Variants in ZFC3H1 observed in about 807,000 individuals in gnomAD.
ZFC3H1 encodes zinc finger C3H1-type containing.
A neutral mutation model predicts 243.7 loss-of-function variants in ZFC3H1; 71 were observed. The ratio of observed to expected loss-of-function variants is 0.29; its 90% confidence interval spans 0.24 to 0.36. The LOEUF is 0.36. Among genes scored for constraint, ZFC3H1 ranks in the 10% least tolerant of loss-of-function variants. ZFC3H1 has a pLI of 1.00. For missense variants in ZFC3H1, 1,966 were observed against 2,317.1 expected, an observed-to-expected ratio of 0.85 and a Z score of 3.11; for synonymous variants, 838 against 813.0, an observed-to-expected ratio of 1.03 and a Z score of -0.52.
intron 2 of ZFC3H1, among the ~76,000 whole-genome samples, chr12:71,651,633 A>G (rs1305959405): frequency 2.0e-5 from 3 of 152,300 alleles, no homozygotes; most frequent in Non-Finnish European, 2.9e-5. Flanking sequence ...AGCAAACTGT[A>G]TTGGGCTAAT....
chr12:71,633,540 TC>T (rs1294889109), intron 12 of ZFC3H1, 102 bp from the exon 13 acceptor site: 5 of 851,254 alleles, frequency 5.9e-6, no homozygotes, highest in African/African-American at 1.8e-5. Flanking sequence ...TAAAAATGCA[TC>T]TACGAGACAC....
At chr12:71,614,498 AC>A in intron 30 of ZFC3H1, 36 bp downstream of exon 30, 1 of 1,526,590 alleles carries the variant, frequency 6.6e-7, no homozygotes, top group East Asian at 2.3e-5. Context: ...TCTTTGTTTT[AC>A]ACAAATATCT....
intron 6 of ZFC3H1, among the ~76,000 whole-genome samples, chr12:71,638,731 T>C (rs974145072): frequency 2.6e-5 from 4 of 152,076 alleles, no homozygotes; most frequent in African/African-American, 7.2e-5. Context: ...AACTAATAAT[T>C]AGTCCCTCAA....
chr12:71,644,009 A>G (rs1361716621), intron 5 of ZFC3H1, 86 bp downstream of exon 5: 1 of 1,187,914 alleles, frequency 8.4e-7, no homozygotes, highest in East Asian at 2.4e-5. Context: ...TTATAAAATA[A>G]ACTTCCTTAT....
In ZFC3H1 at chr12:71,645,043, T is replaced by C. The variant is rs1880694129; in HGVS notation, c.1113A>G (p.Glu371=). 6.2e-7 allele frequency: 1 copy of C among 1,612,560 alleles called. No individual in the cohort carries two copies. Among genetic ancestry groups the C allele is most frequent in the Non-Finnish European group, 8.5e-7 (1 of 1,179,704 alleles). The change falls in exon 4 of 35, where the codon GAA becomes GAG. Residue 371 remains glutamate (E), a synonymous_variant. Transcript: ENST00000378743. ...KLGEDEEELS[E]LQLRLLALQS... is the part of the protein sequence containing the mutation. ...GAAGAGCCAAAAGGCGAAGCTGTAA[T>C]TCAGATAGTTCCTCTTCATCTTCAC...
intron 27 of ZFC3H1, among the ~76,000 whole-genome samples, chr12:71,618,060 T>C (rs934035282): frequency 2.0e-5 from 3 of 151,908 alleles, no homozygotes; most frequent in Non-Finnish European, 2.9e-5. Context: ...AGCTCAGGAG[T>C]TCGAGACCAT....
rs764717941 is a variant in ZFC3H1 at position 71,631,736 on chromosome 12, A to G, written c.3470+42T>C. 13 of 1,502,912 alleles carry G rather than the reference A, an allele frequency of 8.6e-6. No individual in the cohort carries two copies. The East Asian group carries it at 1.4e-4, about 16-fold the overall frequency. The allele number at this position is 1,502,912 out of a possible 1,614,324, so 93.1% of individuals were successfully genotyped here. On this transcript the variant is annotated intron_variant, in intron 16 of 34. Coordinates refer to ENST00000378743, the MANE Select transcript of ZFC3H1 (RefSeq NM_144982.5). ...CAAGATAAAATATTAAAAACCAAAC[A>G]GAAATCCTGAAATTCAAGCTTATTG... is the stretch of plus-strand genomic sequence containing the variant.
rs571537010 is a variant in ZFC3H1 at position 71,631,252 on chromosome 12, C to T, written c.3471-298G>A. ...CTATATAATACCGGTATTTCTTACA[C>T]ACATTACCAGCCAAGACAAGAAAAT... On this transcript the variant is annotated intron_variant, in intron 16 of 34. Coordinates refer to ENST00000378743, the MANE Select transcript of ZFC3H1 (RefSeq NM_144982.5). 2.6e-5 allele frequency among the ~76,000 whole-genome samples: 4 copies of T among 152,122 alleles called. No individual in the cohort carries two copies. The South Asian group carries it at 8.3e-4, about 32-fold the overall frequency.
chr12:71,611,609 C>T (rs1274457996), intron 32 of ZFC3H1, 177 bp downstream of exon 32: 4 of 169,600 alleles, frequency 2.4e-5, no homozygotes, highest in Non-Finnish European at 4.6e-5. Flanking sequence ...TCTCATTAAA[C>T]CTCAGTAAAT....
At chr12:71,652,637 C>T (rs1031473701) in intron 2 of ZFC3H1, among the ~76,000 whole-genome samples, 3 of 152,244 alleles carry the variant, frequency 2.0e-5, no homozygotes, top group Middle Eastern at 3.4e-3. Context: ...TAATCCTTCC[C>T]GTGTTACTCC....
chr12:71,655,910 A>T (rs1399834251), intron 2 of ZFC3H1, among the ~76,000 whole-genome samples: 1 of 152,160 alleles, frequency 6.6e-6, no homozygotes, highest in Non-Finnish European at 1.5e-5. Flanking sequence ...AGTTGGAAAA[A>T]CCCAAACATA....
At chr12:71,643,524 A>G (rs983688555) in intron 5 of ZFC3H1, among the ~76,000 whole-genome samples, 2 of 152,118 alleles carry the variant, frequency 1.3e-5, no homozygotes, top group Non-Finnish European at 2.9e-5. Flanking sequence ...TCATTAATAC[A>G]TTCTCAAGTA....
intron 3 of ZFC3H1, among the ~76,000 whole-genome samples, chr12:71,645,693 CAGACA>C (rs1880712122): frequency 1.3e-5 from 2 of 152,132 alleles, no homozygotes; most frequent in African/African-American, 4.8e-5. Context: ...ATATTTTGAA[CAGACA>C]AGACTTTTCT....
intron 20 of ZFC3H1, among the ~76,000 whole-genome samples, chr12:71,628,391 C>T (rs1880226052): frequency 6.6e-6 from 1 of 152,192 alleles, no homozygotes; most frequent in South Asian, 2.1e-4. Context: ...GCATACATCT[C>T]TTGGATACTT....
At chr12:71,643,305 C>T (rs1390085923) in intron 5 of ZFC3H1, among the ~76,000 whole-genome samples, 2 of 151,576 alleles carry the variant, frequency 1.3e-5, no homozygotes, top group African/African-American at 4.9e-5. Flanking sequence ...CCCAGCTACT[C>T]GGGAGACTGG....
At chr12:71,619,859 T>A (rs1879981191) in intron 26 of ZFC3H1, 67 bp downstream of exon 26, 1 of 1,449,604 alleles carries the variant, frequency 6.9e-7, no homozygotes, top group Admixed American at 2.1e-5. Flanking sequence ...AAACACTTCC[T>A]GGTGAGGCCA....
rs1592587457 is a variant in ZFC3H1, at chr12:71,624,145, T to C, written c.4465A>G (p.Ile1489Val). ...EALLFRVQLH[I>V]FTGRCQSALA... is the part of the protein sequence containing the mutation. ...GCACTTTGGCATCTTCCAGTAAATA[T>C]GTGCAGCTGAACTCTAAACAAAAGA... Residue 1489 changes from isoleucine (I) to valine (V), a missense_variant, in exon 23 of 35, where the codon ATA becomes GTA. Ile to Val is a conservative substitution (Grantham distance 29, BLOSUM62 3). Around this residue, in one of 4 missense-constraint regions of ZFC3H1, gnomAD observed 1,383 missense variants for 1,723.7 expected, o/e 0.80. Transcript: ENST00000378743. 1.2e-5 allele frequency: 20 copies of C among 1,613,386 alleles called. No individual in the cohort carries two copies. Among genetic ancestry groups the C allele is most frequent in the Admixed American group, 1.7e-5 (1 of 59,820 alleles).
chr12:71,626,443 C>T lies in ZFC3H1; in HGVS notation c.4134G>A (p.Glu1378=), dbSNP rs1409659214. 6.2e-7 allele frequency: 1 copy of T among 1,605,360 alleles called. No homozygotes were observed. The change falls in exon 22 of 35, where the codon GAG becomes GAA. Residue 1378 remains glutamate, a synonymous_variant. Transcript: ENST00000378743. ...AYKYLNQNEG[E]CSESLDSALN... ...AAGCAGAATCCAAGGATTCTGAGCA[C>T]TCCCTGTATATATAAAAGAAAAGGT...
At chr12:71,654,718 T>A (rs1880973573) in intron 2 of ZFC3H1, among the ~76,000 whole-genome samples, 1 of 151,706 alleles carries the variant, frequency 6.6e-6, no homozygotes, top group Non-Finnish European at 1.5e-5. Flanking sequence ...AAACCAAATG[T>A]CAATAATCAT....
Sources: allele counts gnomAD v4.1 joint callset (sites outside exome capture counted in the v4.1 genomes callset), GRCh38; gene constraint gnomAD v4.1.1; regional missense constraint gnomAD v4.1.1; transcripts MANE v1.5; gene names NCBI Gene and HGNC (gene_info 2026-07-23, HGNC 2026-07-21).